The following CRISPLD2 variants were observed in gnomAD, a reference collection of about 807,000 sequenced individuals.
CRISPLD2 encodes cysteine-rich secretory protein LCCL domain-containing 2.
CRISPLD2 carries 47 observed loss-of-function variants against 71.1 expected under a neutral mutation model. That is an observed-to-expected ratio of 0.66 (90% CI 0.52 to 0.84). The LOEUF (loss-of-function observed/expected upper bound fraction) is 0.84. CRISPLD2 is among the 40% of genes least tolerant of loss of function. CRISPLD2 has a pLI of 0.00. For synonymous variants in CRISPLD2, 317 were observed against 250.1 expected, an observed-to-expected ratio of 1.27 and a Z score of -2.52; for missense variants, 830 against 651.1, an observed-to-expected ratio of 1.27 and a Z score of -2.99.
chr16:84,861,917 G>T (rs1021739591), intron 6 of CRISPLD2, among the ~76,000 whole-genome samples: 1 of 152,126 alleles, frequency 6.6e-6, no homozygotes, highest in African/African-American at 2.4e-5. Context: ...GCAACACAGC[G>T]AGACCCCAAC....
At chr16:84,885,068 T>C (rs2071600418) in intron 13 of CRISPLD2, among the ~76,000 whole-genome samples, 1 of 152,208 alleles carries the variant, frequency 6.6e-6, no homozygotes, top group Non-Finnish European at 1.5e-5. Context: ...TTGTTGGAAA[T>C]GCAGATTCTC....
chr16:84,838,549 C>A lies in CRISPLD2; in HGVS notation c.54C>A (p.Cys18Ter). 2 of 1,614,184 alleles carry A rather than the reference C, an allele frequency of 1.2e-6. No homozygotes were observed. The highest frequency in any genetic ancestry group is 1.7e-6 in the Non-Finnish European group (2 of 1,180,026). Residue 18 changes from cysteine (C) to a stop codon, truncating the protein, a stop_gained, in exon 2 of 15, where the codon TGC becomes TGA. Coordinates refer to ENST00000262424, the MANE Select transcript of CRISPLD2 (RefSeq NM_031476.4). LOFTEE classifies it high-confidence loss of function. The part of the protein sequence containing the change: ...VIPLGLLFLV[C>*]GSQGYLLPNV... ...CCTTGGGGCTGCTGTTCCTGGTCTGCGGATCCCAAGGCTACCTCCTGCCCA... is the reference window on the plus strand; with the variant it reads ...CCTTGGGGCTGCTGTTCCTGGTCTGAGGATCCCAAGGCTACCTCCTGCCCA...
chr16:84,895,315 A>G (rs2071696901), intron 14 of CRISPLD2, among the ~76,000 whole-genome samples: 1 of 152,210 alleles, frequency 6.6e-6, no homozygotes, highest in Admixed American at 6.5e-5. Flanking sequence ...CTCAGCCTGG[A>G]CAGGCCACTG....
intron 1 of CRISPLD2, among the ~76,000 whole-genome samples, chr16:84,825,134 C>T (rs530042482): frequency 6.6e-6 from 1 of 151,892 alleles, no homozygotes; most frequent in Non-Finnish European, 1.5e-5. Context: ...TGTACTGGTA[C>T]CAGTACACAG....
At chr16:84,821,279 G>C (rs1048388701) in intron 1 of CRISPLD2, among the ~76,000 whole-genome samples, 3 of 152,160 alleles carry the variant, frequency 2.0e-5, no homozygotes, top group African/African-American at 7.2e-5. Context: ...TGTGACTGTC[G>C]GCTGTCCCAG....
chr16:84,854,704 C>T (rs4782675), intron 5 of CRISPLD2, 25 bp from the exon 6 acceptor site: 358,392 of 1,577,338 alleles, frequency 0.23, 43,121 homozygotes, highest in East Asian at 0.48. Flanking sequence ...TTCCCTCTGA[C>T]GGTTGTTTTT....
intron 6 of CRISPLD2, among the ~76,000 whole-genome samples, chr16:84,866,226 G>GT (rs1433309778): frequency 4.7e-5 from 5 of 107,502 alleles, no homozygotes; most frequent in Middle Eastern, 5.7e-3. Flanking sequence ...GGCCGAGGCA[G>GT]TTTTGTTTTT....
chr16:84,822,471 C>T (rs1916252851), intron 1 of CRISPLD2, among the ~76,000 whole-genome samples: 1 of 152,180 alleles, frequency 6.6e-6, no homozygotes. Context: ...CTTTTCTTTC[C>T]TCTGTCACCA....
intron 10 of CRISPLD2, 96 bp from the exon 11 acceptor site, chr16:84,873,824 C>T: frequency 8.7e-7 from 1 of 1,155,498 alleles, no homozygotes; most frequent in Non-Finnish European, 1.2e-6. Flanking sequence ...GTCGAGACTG[C>T]AAATAAGATA....
intron 13 of CRISPLD2, among the ~76,000 whole-genome samples, chr16:84,888,763 C>T (rs1259071780): frequency 4.6e-5 from 7 of 152,212 alleles, no homozygotes; most frequent in Admixed American, 2.0e-4. Context: ...GACATTCCCA[C>T]GGCTGTGACT....
intron 14 of CRISPLD2, among the ~76,000 whole-genome samples, chr16:84,892,275 C>T (rs1353598482): frequency 6.6e-6 from 1 of 152,200 alleles, no homozygotes; most frequent in African/African-American, 2.4e-5. Flanking sequence ...GGCCCAGCAG[C>T]CTGCGTCTGA....
At chr16:84,900,645 T>C (rs1384662148) in intron 14 of CRISPLD2, among the ~76,000 whole-genome samples, 2 of 152,158 alleles carry the variant, frequency 1.3e-5, no homozygotes, top group African/African-American at 2.4e-5. Context: ...GCTGTCAAGA[T>C]GCAAATGCAC....
rs567143428 is a variant in CRISPLD2, at chr16:84,868,513, G to A, written c.854-338G>A. 3.9e-5 allele frequency among the ~76,000 whole-genome samples: 6 copies of A among 152,312 alleles called. No homozygotes were observed. The East Asian group carries it at 1.2e-3, about 29-fold the overall frequency. On this transcript the variant is annotated intron_variant, in intron 7 of 14. Transcript: ENST00000262424. ...CCCTGTGGGACCACAGGCACATCGT[G>A]TGTGCCAGGCACCCTGCCAAGGCCA...
intron 12 of CRISPLD2, among the ~76,000 whole-genome samples, chr16:84,877,939 G>C (rs917247853): frequency 4.0e-5 from 6 of 151,658 alleles, no homozygotes; most frequent in African/African-American, 1.5e-4. Context: ...GGCCGGGCAC[G>C]GTGGCTCACG....
rs763357822 is a variant in CRISPLD2, at chr16:84,838,478, T to C, written c.-18T>C. On this transcript the variant is annotated 5_prime_UTR_variant, in exon 2 of 15. Transcript: ENST00000262424. ...CAGGCTGCCCCGTGAGTCCCATAGT[T>C]GCTGCAGGAGTGGAGCCATGAGCTG... 5 of 1,609,360 alleles carry C rather than the reference T, an allele frequency of 3.1e-6. No individual in the cohort carries two copies. The Admixed American group carries it at 8.3e-5, about 27-fold the overall frequency.
chr16:84,877,357 T>C (rs2071528229), intron 11 of CRISPLD2, 81 bp from the exon 12 acceptor site: 1 of 1,275,132 alleles, frequency 7.8e-7, no homozygotes, highest in Non-Finnish European at 1.1e-6. Context: ...CCTGGTAGTC[T>C]AGTGGCCCAT....
In CRISPLD2 at chr16:84,867,083, C is replaced by T. The variant is rs763602381; in HGVS notation, c.853+43C>T. On this transcript the variant is annotated intron_variant, in intron 7 of 14. Transcript: ENST00000262424. The stretch of plus-strand genomic sequence containing the variant: ...TCCGCCCCTCCTGCCCTCCCAGCCA[C>T]CTCCAAAGGGGACGGGGTGGGTGGA... The T allele has an allele frequency of 3.8e-6, 6 of 1,597,494 alleles. No homozygotes were observed. In the South Asian group the frequency reaches 6.6e-5, roughly 18 times the overall value.
chr16:84,872,039 A>G (rs957971995), intron 8 of CRISPLD2, among the ~76,000 whole-genome samples: 2 of 152,220 alleles, frequency 1.3e-5, no homozygotes, highest in African/African-American at 4.8e-5. Flanking sequence ...ACTGATACAA[A>G]TTTTAAAAAC....
intron 3 of CRISPLD2, among the ~76,000 whole-genome samples, chr16:84,846,719 C>T (rs565488665): frequency 8.4e-4 from 128 of 152,286 alleles, no homozygotes; most frequent in African/African-American, 2.8e-3. Context: ...GCCTTCCCCG[C>T]GTCATCCAGC....
Sources: allele counts gnomAD v4.1 joint callset (sites outside exome capture counted in the v4.1 genomes callset), GRCh38; gene constraint gnomAD v4.1.1; transcripts MANE v1.5; gene names NCBI Gene and HGNC (gene_info 2026-07-23, HGNC 2026-07-21).